CSGALNACT1: variants seen among roughly 807,000 people sequenced by gnomAD.
CSGALNACT1 encodes the protein chondroitin sulfate N-acetylgalactosaminyltransferase 1, also known as beta4GalNAcT-1.
A neutral mutation model predicts 51.0 loss-of-function variants in CSGALNACT1; 52 were observed. The ratio of observed to expected loss-of-function variants is 1.02; its 90% CI spans 0.82 to 1.29. The LOEUF is 1.29. CSGALNACT1 is among the 50% of genes most tolerant of loss of function. The pLI is 0.00. For missense variants in CSGALNACT1, 935 were observed against 679.2 expected (o/e 1.38, Z -4.19); for synonymous variants, 341 against 254.4 (o/e 1.34, Z -3.24).
chr8:19,452,533 G>A (rs1250488298), intron 5 of CSGALNACT1, among the ~76,000 whole-genome samples: 1 of 152,066 alleles, frequency 6.6e-6, no homozygotes, highest in Admixed American at 6.5e-5. Context: ...GAGACATGCT[G>A]AGAGCTGATG....
At chr8:19,464,844 G>A (rs886304304) in intron 4 of CSGALNACT1, among the ~76,000 whole-genome samples, 5 of 152,136 alleles carry the variant, frequency 3.3e-5, no homozygotes, top group African/African-American at 1.2e-4. Flanking sequence ...AGGGACTGCC[G>A]ACAACTTTCT....
chr8:19,652,708 G>GT (rs2057922446), intron 1 of CSGALNACT1, among the ~76,000 whole-genome samples: 1 of 152,178 alleles, frequency 6.6e-6, no homozygotes, highest in African/African-American at 2.4e-5. Flanking sequence ...ACCTCCTGCT[G>GT]TTCCACTTAA....
At chr8:19,408,405 C>G (rs1168791062) in intron 9 of CSGALNACT1, among the ~76,000 whole-genome samples, 1 of 151,510 alleles carries the variant, frequency 6.6e-6, no homozygotes, top group Non-Finnish European at 1.5e-5. Flanking sequence ...GTGATCCCCC[C>G]TCCTCTAACC....
chr8:19,514,536 A>G (rs1011525386), intron 3 of CSGALNACT1, among the ~76,000 whole-genome samples: 1 of 128,024 alleles, frequency 7.8e-6, no homozygotes, highest in Non-Finnish European at 1.6e-5. Flanking sequence ...AAAATTATAT[A>G]CAGGCCAGGC....
At chr8:19,434,786 G>A (rs758702206) in intron 6 of CSGALNACT1, among the ~76,000 whole-genome samples, 1 of 151,622 alleles carries the variant, frequency 6.6e-6, no homozygotes, top group Non-Finnish European at 1.5e-5. Flanking sequence ...GATCTACTGT[G>A]CAGCTTATTT....
chr8:19,429,753 C>T (rs2059363380), intron 6 of CSGALNACT1, among the ~76,000 whole-genome samples: 1 of 152,220 alleles, frequency 6.6e-6, no homozygotes, highest in African/African-American at 2.4e-5. Context: ...GGGATCAGAA[C>T]TGCTGAGTCA....
At chr8:19,415,362 GA>G (rs569764628) in intron 8 of CSGALNACT1, among the ~76,000 whole-genome samples, 573 of 152,322 alleles carry the variant, frequency 3.8e-3, no homozygotes, top group Non-Finnish European at 5.7e-3. Context: ...ATCTCAAGGA[GA>G]AGAATTGCTG....
chr8:19,739,272 CG>C (rs1367760805), intron 1 of CSGALNACT1, among the ~76,000 whole-genome samples: 1 of 151,726 alleles, frequency 6.6e-6, no homozygotes, highest in Non-Finnish European at 1.5e-5. Flanking sequence ...GAAAATAGAA[CG>C]TTCAAGTCAA....
At chr8:19,753,171 G>A (rs1238229250) in intron 1 of CSGALNACT1, among the ~76,000 whole-genome samples, 7 of 152,160 alleles carry the variant, frequency 4.6e-5, no homozygotes, top group Non-Finnish European at 4.4e-5. Context: ...GCAGTTCTGG[G>A]GAAGCATTAG....
intron 3 of CSGALNACT1, among the ~76,000 whole-genome samples, chr8:19,517,444 AAAAAG>A (rs1174421607): frequency 6.6e-6 from 1 of 152,184 alleles, no homozygotes; most frequent in African/African-American, 2.4e-5. Flanking sequence ...CCATCTCAAA[AAAAAG>A]AAAAGAAGAA....
intron 4 of CSGALNACT1, among the ~76,000 whole-genome samples, chr8:19,462,005 G>T (rs2065657035): frequency 6.6e-6 from 1 of 152,160 alleles, no homozygotes. Flanking sequence ...ATTTGCCATG[G>T]AGGGCCTATC....
intron 1 of CSGALNACT1, among the ~76,000 whole-genome samples, chr8:19,737,178 C>T (rs1218936861): frequency 6.6e-6 from 1 of 152,038 alleles, no homozygotes; most frequent in African/African-American, 2.4e-5. Flanking sequence ...AATGAAGTTA[C>T]TGTCAGATAA....
At chr8:19,457,618 A>C (rs1023463657) in intron 5 of CSGALNACT1, 8 of 1,250,892 alleles carry the variant, frequency 6.4e-6, no homozygotes, top group Non-Finnish European at 8.4e-6. Context: ...ATCTCAAAAA[A>C]AAAGAAATAA....
intron 4 of CSGALNACT1, among the ~76,000 whole-genome samples, chr8:19,472,006 T>A (rs1301989506): frequency 6.6e-6 from 1 of 152,170 alleles, no homozygotes. Context: ...GGGTTTCTAA[T>A]GAAGAAATGG....
upstream of CSGALNACT1, among the ~76,000 whole-genome samples, chr8:19,606,527 A>T (rs2051395432): frequency 2.6e-5 from 4 of 152,234 alleles, no homozygotes; most frequent in Admixed American, 2.0e-4. Context: ...ATGTTTTAGA[A>T]CACAACTGAT....
chr8:19,696,351 C>T (rs1301811669), intron 1 of CSGALNACT1, among the ~76,000 whole-genome samples: 1 of 152,226 alleles, frequency 6.6e-6, no homozygotes, highest in Non-Finnish European at 1.5e-5. Flanking sequence ...AAACAACCAA[C>T]TCTTCGTTCC....
intron 1 of CSGALNACT1, among the ~76,000 whole-genome samples, chr8:19,702,516 A>C (rs1475438941): frequency 6.6e-6 from 1 of 151,060 alleles, no homozygotes; most frequent in Non-Finnish European, 1.5e-5. Context: ...TCTAAAAAAA[A>C]ACTTAATTAA....
chr8:19,418,718 G>A lies in CSGALNACT1; in HGVS notation c.1165C>T (p.Gln389Ter). The A allele has an allele frequency of 6.2e-7, 1 of 1,613,272 alleles. No homozygotes were observed. Among genetic ancestry groups the A allele is most frequent in the South Asian group, 1.1e-5 (1 of 91,062 alleles). Reference sequence around the variant, plus strand: ...CCGTATATTATGCCAGGATTGTACTGACTGAAAAGAACTGGATAAAATACC... The same window carrying A: ...CCGTATATTATGCCAGGATTGTACTAACTGAAAAGAACTGGATAAAATACC... The change falls in exon 8 of 10, where the codon CAG (glutamine) becomes TAG (stop). Residue 389 changes from glutamine to a stop codon, truncating the protein, a stop_gained. Coordinates refer to ENST00000454498, the Ensembl canonical transcript of CSGALNACT1. LOFTEE classifies it high-confidence loss of function.
At chr8:19,408,564 C>G in intron 9 of CSGALNACT1, 49 bp downstream of exon 8, 1 of 1,348,310 alleles carries the variant, frequency 7.4e-7, no homozygotes, top group Non-Finnish European at 1.0e-6. Context: ...TCAAGGCCTA[C>G]ATGGGCCCGT....
Sources: allele counts gnomAD v4.1 joint callset (sites outside exome capture counted in the v4.1 genomes callset), GRCh38; gene constraint gnomAD v4.1.1; transcripts MANE v1.5; gene names NCBI Gene and HGNC (gene_info 2026-07-23, HGNC 2026-07-21).